Variants in TBC1D1 observed in about 807,000 individuals in gnomAD.
The protein encoded by TBC1D1 is TBC1 (tre-2/USP6, BUB2, cdc16) domain family, member 1.
TBC1D1 carries 89 observed loss-of-function variants against 125.6 expected under a neutral mutation model. That is an observed-to-expected ratio of 0.71 (90% CI 0.60 to 0.85). The LOEUF (loss-of-function observed/expected upper bound fraction) is 0.85, where lower values mean the gene tolerates loss of function less well. Among genes scored for constraint, TBC1D1 ranks in the 40% least tolerant of loss-of-function variants. The probability of loss-of-function intolerance (pLI) is 0.00; values close to 1 mark genes in which losing one functional copy is unlikely to be tolerated. For missense variants in TBC1D1, 1,377 were observed against 1,469.2 expected (o/e 0.94, Z 1.03); for synonymous variants, 565 against 564.1 (o/e 1.00, Z -0.02).
At chr4:37,973,972 T>A (rs888114026) in intron 2 of TBC1D1, among the ~76,000 whole-genome samples, 3 of 152,224 alleles carry the variant, frequency 2.0e-5, no homozygotes, top group African/African-American at 4.8e-5. Context: ...CTGCTGAGGC[T>A]GCTGGTCTGT....
intron 2 of TBC1D1, among the ~76,000 whole-genome samples, chr4:38,008,716 T>C (rs952970323): frequency 1.3e-5 from 2 of 152,214 alleles, no homozygotes; most frequent in African/African-American, 4.8e-5. Context: ...TGTTGTCTAA[T>C]TGTAAGCATG....
At chr4:38,015,545 G>T (rs1006606487) in intron 3 of TBC1D1, among the ~76,000 whole-genome samples, 2 of 151,990 alleles carry the variant, frequency 1.3e-5, no homozygotes, top group African/African-American at 4.8e-5. Context: ...TGTCCCAGGT[G>T]GGTGGGGTTC....
At chr4:37,896,242 G>A (rs533607578) in intron 1 of TBC1D1, among the ~76,000 whole-genome samples, 1 of 152,132 alleles carries the variant, frequency 6.6e-6, no homozygotes, top group South Asian at 2.1e-4. Context: ...GCATTCTGAG[G>A]AGGTGAGGGC....
At position 37,970,136 on chromosome 4, in the gene TBC1D1, T is replaced by C. The variant is rs79151949; in HGVS notation, c.418-44373T>C. 3.3e-5 allele frequency among the ~76,000 whole-genome samples: 5 copies of C among 152,364 alleles called. No individual in the cohort carries two copies. In the East Asian group the frequency reaches 5.8e-4, roughly 18 times the overall value. On this transcript the variant is annotated intron_variant, in intron 2 of 19. Coordinates refer to ENST00000261439, the MANE Select transcript of TBC1D1 (RefSeq NM_015173.4). The stretch of plus-strand genomic sequence containing the variant: ...ATTGTGTGGATATACCATATCTTGT[T>C]GATCCATTCATCAGTTGAAGGGCAG...
At chr4:37,979,263 A>G (rs537703359) in intron 2 of TBC1D1, among the ~76,000 whole-genome samples, 3 of 152,352 alleles carry the variant, frequency 2.0e-5, no homozygotes, top group African/African-American at 7.2e-5. Flanking sequence ...CTTAGCATAC[A>G]TTTTTAAAAT....
At chr4:38,079,011 G>T (rs1444682538) in intron 12 of TBC1D1, among the ~76,000 whole-genome samples, 2 of 152,194 alleles carry the variant, frequency 1.3e-5, no homozygotes, top group Admixed American at 1.3e-4. Context: ...GAAGCAGAAA[G>T]GCCCTGAGAT....
At chr4:37,953,418 ATCCTGCTCCTGTAGTTTTTAAT>A (rs1728291964) in intron 2 of TBC1D1, among the ~76,000 whole-genome samples, 2 of 152,214 alleles carry the variant, frequency 1.3e-5, no homozygotes, top group Admixed American at 1.3e-4. Context: ...TGGTAATAGA[ATCCTGCTCCTGTAGTTTTTAAT>A]TCCCACTTTT....
chr4:37,940,567 A>G (rs778714762), intron 2 of TBC1D1, among the ~76,000 whole-genome samples: 27 of 152,228 alleles, frequency 1.8e-4, no homozygotes, highest in Non-Finnish European at 2.9e-4. Flanking sequence ...TATGTTGAAC[A>G]AGAGTGGTGA....
chr4:38,062,621 A>G (rs980949906), intron 12 of TBC1D1, among the ~76,000 whole-genome samples: 1 of 21,810 alleles, frequency 4.6e-5, no homozygotes, highest in Admixed American at 4.8e-4. Context: ...TACCCCACCC[A>G]CCCTGCGCCG....
intron 2 of TBC1D1, among the ~76,000 whole-genome samples, chr4:37,920,247 G>A (rs192160369): frequency 3.3e-5 from 5 of 152,292 alleles, no homozygotes; most frequent in Admixed American, 3.3e-4. Flanking sequence ...GGGTTGGGGG[G>A]TGTAGTTTGA....
chr4:38,027,763 A>T (rs781128387), intron 6 of TBC1D1, 25 bp from the exon 7 acceptor site: 27 of 1,557,934 alleles, frequency 1.7e-5, no homozygotes, highest in Non-Finnish European at 2.0e-5. Context: ...GAATTTTTTC[A>T]TGCCTCTCTT....
rs186243203 is a variant in TBC1D1 at position 38,099,244 on chromosome 4, T to G, written c.2398+3154T>G. On this transcript the variant is annotated intron_variant, in intron 14 of 19. Coordinates refer to ENST00000261439, the MANE Select transcript of TBC1D1 (RefSeq NM_015173.4). ...AAACAAAAAACCCAACATGTGACTA[T>G]CCCATGTCATATTCCTTGAAAATGA... Among the ~76,000 whole-genome samples the G allele has an allele frequency of 3.9e-3, 590 of 152,320 alleles. 6 individuals are homozygous for G. The highest frequency in any genetic ancestry group is 0.013 in the African/African-American group (532 of 41,572).
At chr4:37,982,723 A>G (rs1394406576) in intron 2 of TBC1D1, among the ~76,000 whole-genome samples, 1 of 152,226 alleles carries the variant, frequency 6.6e-6, no homozygotes, top group African/African-American at 2.4e-5. Context: ...AAAAAAAGAT[A>G]AAGTATAATT....
rs914747108 is a variant in TBC1D1, at chr4:37,937,804, C to T, written c.417+35292C>T. 2.6e-5 allele frequency among the ~76,000 whole-genome samples: 4 copies of T among 152,136 alleles called. No homozygotes were observed. The East Asian group carries it at 7.7e-4, about 29-fold the overall frequency. ...GAAGCCTCGGCCATGTGTGGTGTTG[C>T]TGGTGGTTCCTAACGCTCAGGAGGG... On this transcript the variant is annotated intron_variant, in intron 2 of 19. Transcript: ENST00000261439.
intron 12 of TBC1D1, among the ~76,000 whole-genome samples, chr4:38,063,855 A>G (rs34456281): frequency 0.38 from 57,758 of 151,842 alleles, 11,440 homozygotes; most frequent in East Asian, 0.63. Flanking sequence ...TCTACAACTC[A>G]TGGCCTCAAG....
intron 12 of TBC1D1, among the ~76,000 whole-genome samples, chr4:38,071,791 A>G (rs1030437071): frequency 3.3e-5 from 5 of 152,150 alleles, no homozygotes; most frequent in African/African-American, 1.2e-4. Flanking sequence ...AATAAATTCT[A>G]CTTGGTATTA....
intron 12 of TBC1D1, among the ~76,000 whole-genome samples, chr4:38,079,197 A>G (rs1045321693): frequency 4.6e-5 from 7 of 152,118 alleles, no homozygotes; most frequent in African/African-American, 1.7e-4. Context: ...AGCTTTTAGT[A>G]GTATATTTTT....
At chr4:38,039,565 C>G (rs188735039) in intron 8 of TBC1D1, among the ~76,000 whole-genome samples, 1 of 152,144 alleles carries the variant, frequency 6.6e-6, no homozygotes, top group African/African-American at 2.4e-5. Flanking sequence ...CCTTTTTGTT[C>G]TGTGGTATTA....
At position 38,138,084 on chromosome 4, in the gene TBC1D1, T is replaced by C. The variant is rs1766922418; in HGVS notation, c.*749T>C. On this transcript the variant is annotated 3_prime_UTR_variant, in exon 20 of 20. Transcript: ENST00000261439. ...TTTAATTTGGATATCCTGATCACTG[T>C]CAAGTGAAATGGATCTCTCTCTTTG... The C allele has an allele frequency of 6.6e-6, 1 of 152,246 alleles. No homozygotes were observed. The allele number at this position is 152,246 out of a possible 1,614,324, so 9.4% of individuals were successfully genotyped here.
Sources: allele counts gnomAD v4.1 joint callset (sites outside exome capture counted in the v4.1 genomes callset), GRCh38; gene constraint gnomAD v4.1.1; transcripts MANE v1.5; gene names NCBI Gene and HGNC (gene_info 2026-07-23, HGNC 2026-07-21).